STAMBPL1: variants seen among roughly 807,000 people sequenced by gnomAD.
STAMBPL1 encodes the protein STAM binding protein like 1.
In STAMBPL1, 44 loss-of-function variants were observed where a neutral mutation model predicts 52.9. The observed-to-expected ratio is 0.83, with a 90% CI of 0.65 to 1.07. The LOEUF (loss-of-function observed/expected upper bound fraction) is 1.07. STAMBPL1 is among the 50% of genes least tolerant of loss of function. The probability of loss-of-function intolerance (pLI) is 0.00; values close to 1 mark genes in which losing one functional copy is unlikely to be tolerated. For missense variants in STAMBPL1, 511 were observed against 520.8 expected, an observed-to-expected ratio of 0.98 and a Z score of 0.18; for synonymous variants, 164 against 177.3, an observed-to-expected ratio of 0.92 and a Z score of 0.60.
At chr10:88,915,673 C>T (rs1354913164) in intron 7 of STAMBPL1, among the ~76,000 whole-genome samples, 2 of 152,192 alleles carry the variant, frequency 1.3e-5, no homozygotes, top group African/African-American at 4.8e-5. Flanking sequence ...CGGTCCCTGC[C>T]TCACGATGCT....
chr10:88,909,170 C>A (rs568638770), intron 4 of STAMBPL1, among the ~76,000 whole-genome samples: 1 of 152,302 alleles, frequency 6.6e-6, no homozygotes, highest in African/African-American at 2.4e-5. Context: ...GTTATTAAGG[C>A]AGCCACAAAG....
Position 88,913,389 on chromosome 10 carries a change from A to G in STAMBPL1, c.709A>G (p.Asn237Asp), listed in dbSNP as rs757196895. Residue 237 changes from asparagine (N) to aspartate (D), a missense_variant, in exon 6 of 11, where the codon AAT becomes GAT. Transcript: ENST00000371926. ...ADQPNKSDAT[N>D]YASHSPPVNR... is the part of the protein sequence containing the mutation. ...TCAACCTAATAAAAGTGATGCAACC[A>G]ATTATGCTAGCCACTCTCCTCCTGT... 1 of 1,613,642 alleles carries G rather than the reference A, an allele frequency of 6.2e-7. No homozygotes were observed.
At chr10:88,904,655 C>T (rs954466358) in intron 2 of STAMBPL1, among the ~76,000 whole-genome samples, 4 of 151,932 alleles carry the variant, frequency 2.6e-5, no homozygotes, top group Non-Finnish European at 4.4e-5. Flanking sequence ...TCTGAAGCAC[C>T]GACTTTTTAT....
In STAMBPL1 at chr10:88,905,452, G is replaced by C; in HGVS notation, c.40G>C (p.Ala14Pro). 1 of 1,613,868 alleles carries C rather than the reference G, an allele frequency of 6.2e-7. No individual in the cohort carries two copies. The highest frequency in any genetic ancestry group is 8.5e-7 in the Non-Finnish European group (1 of 1,179,884). The change falls in exon 3 of 11, where the codon GCT becomes CCT. Residue 14 changes from alanine to proline, a missense_variant. By Grantham distance (27) the Ala-to-Pro change is conservative. Around this residue, in one of 3 missense-constraint regions of STAMBPL1, gnomAD observed 358 missense variants for 343.5 expected, o/e 1.04. Transcript: ENST00000371926. Reference sequence around the variant, plus strand: ...AAATTTTGCTTTGCAGAAAAAGTTAGCTGCTATGCCTGACCATACAGATGT... The same window carrying C: ...AAATTTTGCTTTGCAGAAAAAGTTACCTGCTATGCCTGACCATACAGATGT... ...PFTVNSLKKLAAMPDHTDVSL... is the reference protein window; with the variant it reads ...PFTVNSLKKLPAMPDHTDVSL...
intron 1 of STAMBPL1, among the ~76,000 whole-genome samples, chr10:88,891,415 C>T (rs1844679979): frequency 6.6e-6 from 1 of 152,006 alleles, no homozygotes; most frequent in Non-Finnish European, 1.5e-5. Flanking sequence ...GAAAAATGGC[C>T]ACTTTCAAAC....
intron 1 of STAMBPL1, among the ~76,000 whole-genome samples, chr10:88,887,619 C>T (rs1844569604): frequency 6.6e-6 from 1 of 152,142 alleles, no homozygotes; most frequent in South Asian, 2.1e-4. Context: ...GCCTTGACCT[C>T]GTGGGTTCAA....
At chr10:88,911,557 A>T (rs1845225740) in intron 5 of STAMBPL1, among the ~76,000 whole-genome samples, 1 of 152,234 alleles carries the variant, frequency 6.6e-6, no homozygotes, top group East Asian at 1.9e-4. Context: ...TGAGAGGCAG[A>T]AAGGCATTGG....
intron 3 of STAMBPL1, among the ~76,000 whole-genome samples, chr10:88,907,300 A>T (rs1049816409): frequency 6.6e-6 from 1 of 152,202 alleles, no homozygotes; most frequent in African/African-American, 2.4e-5. Context: ...TGAGATCTGC[A>T]TTTTATTCAA....
intron 2 of STAMBPL1, 56 bp from the exon 3 acceptor site, chr10:88,905,387 T>C: frequency 7.3e-7 from 1 of 1,363,438 alleles, no homozygotes; most frequent in Non-Finnish European, 1.0e-6. Context: ...ATATTAGTCA[T>C]ATCCTTTTCT....
Position 88,922,288 on chromosome 10 carries a change from G to T in STAMBPL1, c.1155-49G>T, listed in dbSNP as rs1421940787. 3 of 1,553,798 alleles carry T rather than the reference G, an allele frequency of 1.9e-6. No homozygotes were observed. The South Asian group carries it at 3.3e-5, about 17-fold the overall frequency. The stretch of plus-strand genomic sequence containing the variant: ...GCTGTTCAAATAAAGCATCTGGAAT[G>T]CCCAAATGATCCTTAATTTTTCTAT... On this transcript the variant is annotated intron_variant, in intron 9 of 10. Transcript: ENST00000371926.
At chr10:88,881,102 G>A (rs1844394781) in intron 1 of STAMBPL1, among the ~76,000 whole-genome samples, 1 of 152,142 alleles carries the variant, frequency 6.6e-6, no homozygotes, top group Non-Finnish European at 1.5e-5. Flanking sequence ...TACCCCGGCC[G>A]AGCAGGTGCC....
At chr10:88,885,985 A>G (rs1464639737) in intron 1 of STAMBPL1, among the ~76,000 whole-genome samples, 3 of 152,222 alleles carry the variant, frequency 2.0e-5, no homozygotes, top group Admixed American at 2.0e-4. Flanking sequence ...TTGGTCTTGT[A>G]TAAAGTTGAA....
At chr10:88,883,564 G>C (rs1385843813) in intron 1 of STAMBPL1, among the ~76,000 whole-genome samples, 1 of 152,208 alleles carries the variant, frequency 6.6e-6, no homozygotes, top group Non-Finnish European at 1.5e-5. Context: ...GCATTTCTAA[G>C]CAAATCAGAT....
rs964344472 is a variant in STAMBPL1, at chr10:88,923,068, AT to A, written c.1255-98del. 6 of 804,050 alleles carry A rather than the reference AT, an allele frequency of 7.5e-6. No homozygotes were observed. The African/African-American group carries it at 1.1e-4, about 14-fold the overall frequency. The allele number at this position is 804,050 out of a possible 1,614,324, so 49.8% of individuals were successfully genotyped here. ...GAAATATTTTAAAAATCAGGAACAA[AT>A]TAAAATTAGGAAATCTATACTTCCT... is the stretch of plus-strand genomic sequence containing the variant. On this transcript the variant is annotated intron_variant, in intron 10 of 10. Transcript: ENST00000371926.
At chr10:88,890,461 C>T (rs1352771557) in intron 1 of STAMBPL1, among the ~76,000 whole-genome samples, 1 of 152,170 alleles carries the variant, frequency 6.6e-6, no homozygotes, top group African/African-American at 2.4e-5. Context: ...TAAGGAGCCT[C>T]CCCGCAAAGA....
chr10:88,895,020 T>C (rs540685796), intron 1 of STAMBPL1, among the ~76,000 whole-genome samples: 2 of 152,290 alleles, frequency 1.3e-5, no homozygotes, highest in South Asian at 4.1e-4. Flanking sequence ...TCTTATATAA[T>C]AACAATTTAG....
At chr10:88,905,721 G>T (rs1379752600) in intron 3 of STAMBPL1, 61 bp downstream of exon 3, 6 of 1,343,616 alleles carry the variant, frequency 4.5e-6, no homozygotes, top group South Asian at 3.7e-5. Flanking sequence ...TAGTTATTTT[G>T]ATGTGGCAGT....
chr10:88,915,007 A>G (rs1044203933), intron 7 of STAMBPL1, among the ~76,000 whole-genome samples: 1 of 152,168 alleles, frequency 6.6e-6, no homozygotes, highest in Non-Finnish European at 1.5e-5. Flanking sequence ...TTAGTTTCAC[A>G]TACATTCATA....
rs762025999 is a variant in STAMBPL1, at chr10:88,913,327, C to T, written c.647C>T (p.Thr216Ile). ...GGGAGCGCTTTGTCCTGCTTTTCCACACACCAGAACAATTCCTTGCTGAAT... is the reference window on the plus strand; with the variant it reads ...GGGAGCGCTTTGTCCTGCTTTTCCATACACCAGAACAATTCCTTGCTGAAT... ...IDGSALSCFS[T>I]HQNNSLLNVF... The change falls in exon 6 of 11, where the codon ACA (threonine) becomes ATA (isoleucine). Residue 216 changes from threonine to isoleucine, a missense_variant. By Grantham distance (89) the Thr-to-Ile change is moderately conservative. This residue lies in a region of STAMBPL1 where 358 missense variants were observed against 343.5 expected (regional missense o/e 1.04). Transcript: ENST00000371926. The T allele has an allele frequency of 8.1e-6, 13 of 1,613,900 alleles. No homozygotes were observed. Among genetic ancestry groups the T allele is most frequent in the East Asian group, 2.2e-5 (1 of 44,884 alleles).
Sources: allele counts gnomAD v4.1 joint callset (sites outside exome capture counted in the v4.1 genomes callset), GRCh38; gene constraint gnomAD v4.1.1; regional missense constraint gnomAD v4.1.1; transcripts MANE v1.5; gene names NCBI Gene and HGNC (gene_info 2026-07-23, HGNC 2026-07-21).